SAG: variants seen among roughly 807,000 people sequenced by gnomAD.
SAG encodes the protein S-arrestin.
SAG carries 45 observed loss-of-function variants against 55.0 expected under a neutral mutation model. The ratio of observed to expected loss-of-function variants is 0.82; its 90% CI spans 0.64 to 1.05. The LOEUF is 1.05. SAG is among the 50% of genes least tolerant of loss of function. The pLI is 0.00. For synonymous variants in SAG, 189 were observed against 197.4 expected, an observed-to-expected ratio of 0.96 and a Z score of 0.36; for missense variants, 455 against 512.1, an observed-to-expected ratio of 0.89 and a Z score of 1.08.
Position 233,323,257 on chromosome 2 carries a change from C to T in SAG, c.435+252C>T, listed in dbSNP as rs1700442078. Among the ~76,000 whole-genome samples the T allele has an allele frequency of 2.6e-5, 4 of 152,140 alleles. No individual in the cohort carries two copies. The South Asian group carries it at 8.3e-4, about 32-fold the overall frequency. On this transcript the variant is annotated intron_variant, in intron 6 of 15. Transcript: ENST00000409110. ...TATTTTGTGTGGAGGCGGGGTTTCA[C>T]CACACTGACCAGGCTGGTCTCAAAC...
intron 4 of SAG, chr2:233,320,082 C>A: frequency 2.8e-6 from 2 of 713,520 alleles, no homozygotes; most frequent in Non-Finnish European, 1.7e-6. Context: ...CAGTATGTTT[C>A]AGAGCAGCGT....
intron 6 of SAG, among the ~76,000 whole-genome samples, chr2:233,324,997 G>C (rs1026392939): frequency 6.6e-6 from 1 of 152,020 alleles, no homozygotes; most frequent in African/African-American, 2.4e-5. Context: ...AGGCCGAGGC[G>C]GGCAGATCAC....
At chr2:233,332,709 A>G (rs907409503) in intron 10 of SAG, 3 of 149,398 alleles carry the variant, frequency 2.0e-5, no homozygotes, top group Non-Finnish European at 4.4e-5. Flanking sequence ...TTGCCCAAGC[A>G]GGAGTGCAAT....
Position 233,316,002 on chromosome 2 carries a change from C to T in SAG, c.76-73C>T, listed in dbSNP as rs977093485. Reference sequence around the variant, plus strand: ...GGTGTGAGCCACCGCGCCCGGGCTGCTGCTGGTTTTTATCATGGATGCCTT... The same window carrying T: ...GGTGTGAGCCACCGCGCCCGGGCTGTTGCTGGTTTTTATCATGGATGCCTT... On this transcript the variant is annotated intron_variant, in intron 2 of 15. Transcript: ENST00000409110. 6.6e-6 allele frequency: 6 copies of T among 910,386 alleles called. No individual in the cohort carries two copies. The East Asian group carries it at 1.6e-4, about 25-fold the overall frequency. The allele number at this position is 910,386 out of a possible 1,614,324, so 56.4% of individuals were successfully genotyped here. A position where few individuals can be genotyped will look rare whatever the true frequency, so the allele number is the denominator to read the frequency against.
chr2:233,336,044 A>G (rs1188704926), intron 11 of SAG, among the ~76,000 whole-genome samples: 1 of 152,232 alleles, frequency 6.6e-6, no homozygotes, highest in Non-Finnish European at 1.5e-5. Context: ...TTCTGAGGAT[A>G]ATTGGCCAAG....
chr2:233,346,348 T>C, intron 14 of SAG, 55 bp from the exon 15 acceptor site: 1 of 1,593,538 alleles, frequency 6.3e-7, no homozygotes, highest in South Asian at 1.1e-5. Flanking sequence ...GAATTTAGAC[T>C]AACAAATGTC....
chr2:233,320,518 TA>T, intron 4 of SAG, 111 bp from the exon 5 acceptor site: 1 of 769,002 alleles, frequency 1.3e-6, no homozygotes, highest in South Asian at 2.0e-5. Context: ...TCCCAGCCCC[TA>T]TCCCCTCCAG....
At chr2:233,336,625 G>A (rs866556078) in intron 11 of SAG, among the ~76,000 whole-genome samples, 4 of 152,166 alleles carry the variant, frequency 2.6e-5, no homozygotes, top group Admixed American at 1.3e-4. Context: ...TTGAGGTTGA[G>A]CCAGAATGAA....
intron 14 of SAG, chr2:233,345,573 T>G (rs1701227993): frequency 1.3e-5 from 2 of 151,720 alleles, no homozygotes; most frequent in Non-Finnish European, 2.9e-5. Context: ...ATACAAAAAT[T>G]AGCCAGGCAT....
Position 233,328,604 on chromosome 2 carries a change from C to G in SAG, c.639C>G (p.Leu213=). The change falls in exon 8 of 16, where the codon CTC becomes CTG. Residue 213 remains leucine, a synonymous_variant. Coordinates refer to ENST00000409110, the MANE Select transcript of SAG (RefSeq NM_000541.5). The part of the protein sequence containing the change: ...SDKPLHLAVS[L]NKEIYFHGEP... ...AGCCCCTGCACCTTGCGGTCTCTCT[C>G]AACAAAGAGGTAACCACCTACCATC... 1.2e-6 allele frequency: 2 copies of G among 1,611,324 alleles called. No individual in the cohort carries two copies. The highest frequency in any genetic ancestry group is 4.5e-5 in the East Asian group (2 of 44,818).
At chr2:233,341,939 T>G (rs1968554) in intron 13 of SAG, among the ~76,000 whole-genome samples, 1 of 152,028 alleles carries the variant, frequency 6.6e-6, no homozygotes, top group African/African-American at 2.4e-5. Flanking sequence ...GGCAACATGG[T>G]GAAACCCCAT....
chr2:233,342,315 C>T lies in SAG; in HGVS notation c.1091C>T (p.Pro364Leu), dbSNP rs112613526. 1.1e-3 allele frequency: 1,741 copies of T among 1,607,742 alleles called. 25 individuals carry two copies. In the African/African-American group the frequency reaches 0.021, roughly 19 times the overall value. Residue 364 changes from proline to leucine, a missense_variant, in exon 14 of 16, where the codon CCT (proline) becomes CTT (leucine). Transcript: ENST00000409110. ...CCATTCCGCCTCATGCACCCTCAGC[C>T]TGAGGACCCAGGTCAGTTATGTCCT... The part of the protein sequence containing the change: ...EVPFRLMHPQ[P>L]EDPAKESYQD...
intron 2 of SAG, among the ~76,000 whole-genome samples, chr2:233,312,500 G>C (rs547838931): frequency 7.9e-5 from 12 of 152,302 alleles, no homozygotes; most frequent in Admixed American, 4.6e-4. Context: ...ATAAGCACTC[G>C]AAATGCTATT....
rs1435488168 is a variant in SAG, at chr2:233,333,280, T to C, written c.806+1568T>C. 2.0e-5 allele frequency: 3 copies of C among 152,172 alleles called. No individual in the cohort carries two copies. In the East Asian group the frequency reaches 5.8e-4, roughly 29 times the overall value. The allele number at this position is 152,172 out of a possible 1,614,324, so 9.4% of individuals were successfully genotyped here. On this transcript the variant is annotated intron_variant, in intron 10 of 15. Transcript: ENST00000409110. ...CGCACATCCCTGTGCCCTGGAGGGGTCTTGGCCCTGGTTCACCTTTCCTCA... is the reference window on the plus strand; with the variant it reads ...CGCACATCCCTGTGCCCTGGAGGGGCCTTGGCCCTGGTTCACCTTTCCTCA...
chr2:233,318,328 C>G (rs1454133453), intron 3 of SAG, among the ~76,000 whole-genome samples: 1 of 150,962 alleles, frequency 6.6e-6, no homozygotes, highest in East Asian at 1.9e-4. Context: ...CCACACCCAG[C>G]TAATTTTTTT....
chr2:233,319,040 T>C lies in SAG; in HGVS notation c.181+245T>C, dbSNP rs751346080. The C allele has an allele frequency of 7.2e-6, 5 of 692,716 alleles. No homozygotes were observed. The highest frequency in any genetic ancestry group is 1.4e-5 in the Non-Finnish European group (5 of 368,196). 42.9% of individuals were successfully genotyped at this position (692,716 alleles called of 1,614,324 possible). On this transcript the variant is annotated intron_variant, in intron 4 of 15. Transcript: ENST00000409110. The surrounding 1 kb of genome is among the most constrained non-coding windows in gnomAD (Gnocchi z 4.4). ...TTGTCCAGGGTGGCAGATAAGTAGA[T>C]GGTAGACGGAGCCCAGGTCTGTGGC... is the stretch of plus-strand genomic sequence containing the variant.
intron 13 of SAG, among the ~76,000 whole-genome samples, chr2:233,341,293 G>A (rs987380698): frequency 3.9e-5 from 6 of 152,084 alleles, no homozygotes; most frequent in South Asian, 2.1e-4. Flanking sequence ...ACAGGTGCAC[G>A]CCACTATGCC....
Position 233,327,200 on chromosome 2 carries a change from A to T in SAG, c.512+3A>T. 6.2e-7 allele frequency: 1 copy of T among 1,612,868 alleles called. No homozygotes were observed. The highest frequency in any genetic ancestry group is 8.5e-7 in the Non-Finnish European group (1 of 1,179,008). On this transcript the variant is annotated splice_donor_region_variant and intron_variant, in intron 7 of 15. Transcript: ENST00000409110. ...GAAGAGGACAAAATCCCCAAGAAGT[A>T]AGAGTATGGTTGCGGAATAGGTGAG...
In SAG at chr2:233,309,262, T is replaced by A. The variant is rs1207307434; in HGVS notation, c.73T>A (p.Ser25Thr). The change falls in exon 2 of 16, where the codon TCG (serine) becomes ACG (threonine). Residue 25 changes from serine to threonine, a missense_variant and splice_region_variant. Transcript: ENST00000409110. Reference sequence around the variant, plus strand: ...CTTCAAGAAGATCTCCCGGGACAAATCGGTGAGTGGTGCACAAGTGAGTGA... The same window carrying A: ...CTTCAAGAAGATCTCCCGGGACAAAACGGTGAGTGGTGCACAAGTGAGTGA... Reference protein sequence around the residue: ...VIFKKISRDKSVTIYLGNRDY... With the variant: ...VIFKKISRDKTVTIYLGNRDY... 6.2e-7 allele frequency: 1 copy of A among 1,612,638 alleles called. No homozygotes were observed.
Sources: gnomAD v4.1 joint callset for allele counts (sites outside exome capture counted in the v4.1 genomes callset) on GRCh38, gnomAD v4.1.1 for gene constraint, Gnocchi (gnomAD v3.1) non-coding constraint, MANE v1.5 for transcripts, NCBI Gene and HGNC (gene_info 2026-07-23, HGNC 2026-07-21) for gene names.